Variants in DOCK4 observed in about 807,000 individuals in gnomAD.
DOCK4 encodes the protein dedicator of cytokinesis protein 4.
DOCK4 carries 97 observed loss-of-function variants against 268.1 expected under a neutral mutation model. That is an observed-to-expected ratio of 0.36 (90% CI 0.31 to 0.43). The LOEUF is 0.43. Among genes scored for constraint, DOCK4 ranks in the 20% least tolerant of loss-of-function variants. The pLI, the probability that DOCK4 is intolerant of heterozygous loss-of-function variation, is 1.00. For synonymous variants in DOCK4, 954 were observed against 887.2 expected, an observed-to-expected ratio of 1.08 and a Z score of -1.34; for missense variants, 2,145 against 2,455.7, an observed-to-expected ratio of 0.87 and a Z score of 2.67.
chr7:111,881,653 T>C (rs950565863), intron 16 of DOCK4, among the ~76,000 whole-genome samples: 1 of 152,188 alleles, frequency 6.6e-6, no homozygotes, highest in East Asian at 1.9e-4. Flanking sequence ...CTGTTCACAA[T>C]AGCTAAGACT....
At chr7:111,954,331 G>A (rs891508927) in intron 8 of DOCK4, among the ~76,000 whole-genome samples, 15 of 152,150 alleles carry the variant, frequency 9.9e-5, no homozygotes, top group African/African-American at 3.6e-4. Context: ...CAGCTGGAAG[G>A]TGTGCTGGCA....
intron 15 of DOCK4, among the ~76,000 whole-genome samples, chr7:111,896,194 T>C (rs1298783306): frequency 6.6e-6 from 1 of 152,162 alleles, no homozygotes; most frequent in African/African-American, 2.4e-5. Context: ...ACAGAACTTC[T>C]TTCCCTATAT....
intron 36 of DOCK4, among the ~76,000 whole-genome samples, chr7:111,777,102 A>G (rs35822824): frequency 0.026 from 3,959 of 152,298 alleles, 75 homozygotes; most frequent in Non-Finnish European, 0.041. Context: ...TACAGGCATG[A>G]GCCACCACGT....
intron 1 of DOCK4, among the ~76,000 whole-genome samples, chr7:112,037,455 T>A (rs1803908592): frequency 6.6e-6 from 1 of 152,106 alleles, no homozygotes; most frequent in African/African-American, 2.4e-5. Context: ...CAGGTAATCT[T>A]CCTCCCATTC....
At chr7:112,091,302 T>G (rs1434606865) in intron 1 of DOCK4, among the ~76,000 whole-genome samples, 1 of 152,080 alleles carries the variant, frequency 6.6e-6, no homozygotes, top group Non-Finnish European at 1.5e-5. Context: ...TACATGAGAT[T>G]TGAACATTAG....
At chr7:111,991,415 T>G (rs953169019) in intron 5 of DOCK4, among the ~76,000 whole-genome samples, 3 of 152,198 alleles carry the variant, frequency 2.0e-5, no homozygotes. Flanking sequence ...GAAAAATGCT[T>G]TTGATTTAAT....
chr7:112,204,170 A>G (rs2116904138), intron 1 of DOCK4, among the ~76,000 whole-genome samples: 1 of 152,296 alleles, frequency 6.6e-6, no homozygotes, highest in African/African-American at 2.4e-5. Context: ...AGGAAATCCC[A>G]GAGTGGTTTT....
intron 15 of DOCK4, among the ~76,000 whole-genome samples, chr7:111,898,034 C>T (rs1458066528): frequency 1.3e-5 from 2 of 152,136 alleles, no homozygotes; most frequent in Admixed American, 6.6e-5. Flanking sequence ...AAAAAGCTTC[C>T]CAAATGGTCT....
At chr7:111,969,117 A>T (rs1156672476) in intron 8 of DOCK4, among the ~76,000 whole-genome samples, 1 of 125,658 alleles carries the variant, frequency 8.0e-6, no homozygotes, top group Non-Finnish European at 1.6e-5. Context: ...GCTAGATGAC[A>T]CATTAGTGGG....
intron 1 of DOCK4, among the ~76,000 whole-genome samples, chr7:112,188,349 G>A (rs1427551762): frequency 6.6e-6 from 1 of 152,192 alleles, no homozygotes; most frequent in Non-Finnish European, 1.5e-5. Context: ...AAGGTAACTT[G>A]GAAATCACCT....
At chr7:111,858,683 T>C (rs1805218605) in intron 23 of DOCK4, among the ~76,000 whole-genome samples, 2 of 152,200 alleles carry the variant, frequency 1.3e-5, no homozygotes, top group Admixed American at 6.5e-5. Context: ...TCAGTTCTTA[T>C]GGGTCTCCAG....
intron 1 of DOCK4, among the ~76,000 whole-genome samples, chr7:112,109,250 G>A (rs1466482313): frequency 1.3e-5 from 2 of 151,930 alleles, no homozygotes; most frequent in Non-Finnish European, 2.9e-5. Context: ...ATTTCCCCAC[G>A]CAAAACAAAA....
At chr7:111,738,026 A>C (rs756787626) in intron 49 of DOCK4, among the ~76,000 whole-genome samples, 2 of 152,216 alleles carry the variant, frequency 1.3e-5, no homozygotes. Context: ...GTGGCTACAG[A>C]CTTCTGCCAG....
chr7:111,970,581 C>T (rs796835754), intron 8 of DOCK4, among the ~76,000 whole-genome samples: 4 of 152,264 alleles, frequency 2.6e-5, no homozygotes, highest in African/African-American at 9.6e-5. Flanking sequence ...AACTTTCAAC[C>T]AGATAAATAT....
intron 1 of DOCK4, among the ~76,000 whole-genome samples, chr7:112,112,764 GAAACAGTGGCTC>G (rs767445187): frequency 2.6e-5 from 4 of 152,110 alleles, no homozygotes; most frequent in Non-Finnish European, 5.9e-5. Context: ...TTATAGCAAA[GAAACAGTGGCTC>G]ACACAAGAGG....
intron 1 of DOCK4, among the ~76,000 whole-genome samples, chr7:112,021,251 C>G (rs1040931782): frequency 2.0e-5 from 3 of 152,164 alleles, no homozygotes. Context: ...TTTGGTAGTT[C>G]AGAAACTTAC....
intron 7 of DOCK4, among the ~76,000 whole-genome samples, chr7:111,977,937 C>G (rs895848706): frequency 8.5e-5 from 13 of 152,174 alleles, no homozygotes; most frequent in African/African-American, 2.7e-4. Context: ...CTCAATACAG[C>G]CAGTCCAGGC....
chr7:111,959,314 G>A (rs181068402), intron 8 of DOCK4, among the ~76,000 whole-genome samples: 31 of 152,162 alleles, frequency 2.0e-4, no homozygotes, highest in African/African-American at 6.3e-4. Flanking sequence ...ACGTCTGGCC[G>A]GTCAGACATT....
chr7:111,732,340 C>CACAGAGGG, intron 51 of DOCK4, 53 bp from the exon 52 acceptor site: 3 of 1,581,310 alleles, frequency 1.9e-6, no homozygotes, highest in Non-Finnish European at 2.6e-6. Flanking sequence ...AGACGATTGA[C>CACAGAGGG]TATCTGCACA....
Sources: gnomAD v4.1 joint callset for allele counts (sites outside exome capture counted in the v4.1 genomes callset) on GRCh38, gnomAD v4.1.1 for gene constraint, MANE v1.5 for transcripts, NCBI Gene and HGNC (gene_info 2026-07-23, HGNC 2026-07-21) for gene names.